Variants in BSG observed in about 807,000 individuals in gnomAD.
BSG encodes basigin (Ok blood group), also known as basigin.
BSG carries 37 observed loss-of-function variants against 43.1 expected under a neutral mutation model. That is an observed-to-expected ratio of 0.86 (90% CI 0.66 to 1.13). The LOEUF is 1.13. Among genes scored for constraint, BSG ranks in the 50% most tolerant of loss-of-function variants. The pLI is 0.00. For synonymous variants in BSG, 309 were observed against 238.7 expected (o/e 1.29, Z -2.72); for missense variants, 599 against 554.2 (o/e 1.08, Z -0.81).
chr19:571,405 C>A, upstream of BSG: 3 of 667,340 alleles, frequency 4.5e-6, no homozygotes, highest in South Asian at 4.9e-5. Flanking sequence ...AAGAGACGCC[C>A]CCACCTGTGT....
intron 1 of BSG, among the ~76,000 whole-genome samples, chr19:576,106 G>T (rs1223315729): frequency 6.6e-6 from 1 of 152,246 alleles, no homozygotes; most frequent in African/African-American, 2.4e-5. Context: ...GGTGCAGATG[G>T]CGCCTGGGAG....
chr19:582,965 C>G lies in BSG; in HGVS notation c.*221C>G, dbSNP rs1223152557. ...GAAGTGTTTCACGAGAGCCCGGGAGCTGCTGCCCTGCGGCCCCGTCTGTGG... is the reference window on the plus strand; with the variant it reads ...GAAGTGTTTCACGAGAGCCCGGGAGGTGCTGCCCTGCGGCCCCGTCTGTGG... On this transcript the variant is annotated 3_prime_UTR_variant, in exon 9 of 9. Transcript: ENST00000333511. 4.2e-6 allele frequency: 1 copy of G among 236,952 alleles called. No individual in the cohort carries two copies. The highest frequency in any genetic ancestry group is 8.4e-6 in the Non-Finnish European group (1 of 118,402). 14.7% of individuals were successfully genotyped at this position (236,952 alleles called of 1,614,324 possible). A position where few individuals can be genotyped will look rare whatever the true frequency, so the allele number is the denominator to read the frequency against.
At chr19:580,623 C>G in intron 4 of BSG, 23 bp from the exon 5 acceptor site, 1 of 1,612,444 alleles carries the variant, frequency 6.2e-7, no homozygotes, top group Non-Finnish European at 8.5e-7. Flanking sequence ...GTTCCAGGCT[C>G]CTCTCTCTCA....
In BSG at chr19:580,369, G is replaced by C. The variant is rs199983087; in HGVS notation, c.573-10G>C. On this transcript the variant is annotated splice_polypyrimidine_tract_variant and intron_variant, in intron 3 of 8. Transcript: ENST00000333511. ...CTGGTACGCGGCTCACCTGCCTGCTGTGGTTGCAGGGTGGACTCCGACGAC... is the reference window on the plus strand; with the variant it reads ...CTGGTACGCGGCTCACCTGCCTGCTCTGGTTGCAGGGTGGACTCCGACGAC... The C allele has an allele frequency of 6.2e-6, 10 of 1,609,848 alleles. No individual in the cohort carries two copies. The African/African-American group carries it at 1.3e-4, about 21-fold the overall frequency.
At chr19:572,400 G>A (rs978011426), upstream of BSG, 4 of 985,216 alleles carry the variant, frequency 4.1e-6, no homozygotes, top group Admixed American at 1.2e-4. Context: ...AGCAACGCCG[G>A]GTCACGTGCG....
rs372331028 is a variant in BSG at position 579,478 on chromosome 19, C to G, written c.416-22C>G. On this transcript the variant is annotated intron_variant, in intron 2 of 8. Transcript: ENST00000333511. ...GGCCGTGCTCCTCCACTCTGCTGAC[C>G]GCGTCTCGCCGGGCCTTGCAGCCGG... 4 of 1,611,552 alleles carry G rather than the reference C, an allele frequency of 2.5e-6. No individual in the cohort carries two copies. In the African/African-American group the frequency reaches 4.0e-5, roughly 16 times the overall value.
rs1981900757 is a variant in BSG, at chr19:577,763, T to A, written c.68-11T>A. On this transcript the variant is annotated splice_polypyrimidine_tract_variant and intron_variant, in intron 1 of 8. Transcript: ENST00000333511. ...GGCACTAACAAGACCCCACGCGTGC[T>A]CTCCCCACAGCCGGCTTCGTCCAGG... The A allele has an allele frequency of 2.1e-6, 3 of 1,397,008 alleles. No homozygotes were observed. Among genetic ancestry groups the A allele is most frequent in the African/African-American group, 1.5e-5 (1 of 68,184 alleles). 86.5% of individuals were successfully genotyped at this position (1,397,008 alleles called of 1,614,324 possible).
chr19:577,949 C>G lies in BSG; in HGVS notation c.243C>G (p.Ile81Met), dbSNP rs71335258. The G allele has an allele frequency of 6.2e-7, 1 of 1,611,022 alleles. No homozygotes were observed. Among genetic ancestry groups the G allele is most frequent in the Non-Finnish European group, 8.5e-7 (1 of 1,178,972 alleles). Residue 81 changes from isoleucine to methionine, a missense_variant, in exon 2 of 9, where the codon ATC becomes ATG. Coordinates refer to ENST00000333511, the MANE Select transcript of BSG (RefSeq NM_001728.4). ...WDGARLDRVH[I>M]HATYHQHAAS... ...GCGCCCGGCTGGACCGCGTCCACAT[C>G]CACGCCACCTACCACCAGCACGCGG...
chr19:581,649 C>A, intron 6 of BSG, 58 bp downstream of exon 6: 1 of 1,497,186 alleles, frequency 6.7e-7, no homozygotes, highest in South Asian at 1.3e-5. Flanking sequence ...CAGGGCCACT[C>A]CTGGTCCGTC....
upstream of BSG, chr19:572,381 C>G: frequency 1.0e-6 from 1 of 985,156 alleles, no homozygotes; most frequent in Non-Finnish European, 1.2e-6. Flanking sequence ...GGCCCCACTC[C>G]CGTTTCCTAG....
At chr19:579,451 C>G (rs376363939) in intron 2 of BSG, 49 bp from the exon 3 acceptor site, 42 of 1,606,998 alleles carry the variant, frequency 2.6e-5, no homozygotes, top group Non-Finnish European at 3.2e-5. Flanking sequence ...GCAGGCAGCG[C>G]GGGCCGTGCT....
In BSG at chr19:582,777, G is replaced by A. The variant is rs1233797502; in HGVS notation, c.*33G>A. On this transcript the variant is annotated 3_prime_UTR_variant, in exon 9 of 9. Transcript: ENST00000333511. Reference sequence around the variant, plus strand: ...GGCCCGAGGACGCTCCCTGCTCCACGTCTGCGCCGCCGCCGGAGTCCACTC... The same window carrying A: ...GGCCCGAGGACGCTCCCTGCTCCACATCTGCGCCGCCGCCGGAGTCCACTC... 4.9e-6 allele frequency: 3 copies of A among 610,114 alleles called. No individual in the cohort carries two copies. Among genetic ancestry groups the A allele is most frequent in the Admixed American group, 3.1e-5 (1 of 32,222 alleles). 37.8% of individuals were successfully genotyped at this position (610,114 alleles called of 1,614,324 possible). A position where few individuals can be genotyped will look rare whatever the true frequency, so the allele number is the denominator to read the frequency against.
chr19:577,774 C>A lies in BSG; in HGVS notation c.68C>A (p.Ala23Asp). 7.1e-7 allele frequency: 1 copy of A among 1,413,698 alleles called. No homozygotes were observed. The highest frequency in any genetic ancestry group is 1.4e-5 in the African/African-American group (1 of 68,980). 87.6% of individuals were successfully genotyped at this position (1,413,698 alleles called of 1,614,324 possible). A position where few individuals can be genotyped will look rare whatever the true frequency, so the allele number is the denominator to read the frequency against. Residue 23 changes from alanine to aspartate, a missense_variant and splice_region_variant, in exon 2 of 9, where the codon GCC becomes GAC. Physicochemically the swap from Ala to Asp is moderately radical, Grantham distance 126 (BLOSUM62 -2). Transcript: ENST00000333511. ...GACCCCACGCGTGCTCTCCCCACAG[C>A]CGGCTTCGTCCAGGCGCCGCTGTCC... ...LLGTHGASGA[A>D]GFVQAPLSQQ...
Position 572,721 on chromosome 19 carries a change from C to CG in BSG, c.67+25dup. 6.8e-7 allele frequency: 1 copy of CG among 1,460,448 alleles called. No homozygotes were observed. The allele number at this position is 1,460,448 out of a possible 1,614,324, so 90.5% of individuals were successfully genotyped here. ...GGGCTGGTGAGGAGCGGGTAGGGGG[C>CG]GGGGGTGCGGTCCTGCAGGGGCCGG... On this transcript the variant is annotated intron_variant, in intron 1 of 8. Transcript: ENST00000333511.
chr19:572,551 T>G, upstream of BSG: 5 of 1,384,652 alleles, frequency 3.6e-6, no homozygotes, highest in Non-Finnish European at 4.7e-6. Flanking sequence ...GCGCGCCCGG[T>G]CCGCGCCTCC....
chr19:581,689 T>G, intron 6 of BSG, 98 bp downstream of exon 6: 1 of 1,418,884 alleles, frequency 7.0e-7, no homozygotes, highest in South Asian at 1.4e-5. Context: ...ACCCAGAGCT[T>G]GGAACTGAGG....
At chr19:579,803 G>A (rs1982127057) in intron 3 of BSG, 147 bp downstream of exon 3, 12 of 1,298,046 alleles carry the variant, frequency 9.2e-6, no homozygotes, top group Middle Eastern at 2.8e-4. Flanking sequence ...GACCCCCAGA[G>A]GGAAACCCCA....
Position 572,645 on chromosome 19 carries a change from C to G in BSG, c.11C>G (p.Ala4Gly). The change falls in exon 1 of 9, where the codon GCG (alanine) becomes GGG (glycine). Residue 4 changes from alanine to glycine, a missense_variant. Transcript: ENST00000333511. MAA[A>G]LFVLLGFALL... Reference sequence around the variant, plus strand: ...CGAGGAATAGGAATCATGGCGGCTGCGCTGTTCGTGCTGCTGGGATTCGCG... The same window carrying G: ...CGAGGAATAGGAATCATGGCGGCTGGGCTGTTCGTGCTGCTGGGATTCGCG... 3 of 1,504,664 alleles carry G rather than the reference C, an allele frequency of 2.0e-6. No individual in the cohort carries two copies. The highest frequency in any genetic ancestry group is 1.8e-6 in the Non-Finnish European group (2 of 1,125,280). 93.2% of individuals were successfully genotyped at this position (1,504,664 alleles called of 1,614,324 possible).
intron 1 of BSG, among the ~76,000 whole-genome samples, chr19:573,927 C>G (rs1981521430): frequency 6.6e-6 from 1 of 152,142 alleles, no homozygotes; most frequent in Non-Finnish European, 1.5e-5. Flanking sequence ...AAATTTCTTC[C>G]TTTGTTGAGA....
Sources: allele counts gnomAD v4.1 joint callset (sites outside exome capture counted in the v4.1 genomes callset), GRCh38; gene constraint gnomAD v4.1.1; transcripts MANE v1.5; gene names NCBI Gene and HGNC (gene_info 2026-07-23, HGNC 2026-07-21).